Variants in PIEZO2 observed in about 807,000 individuals in gnomAD.
PIEZO2 encodes piezo-type mechanosensitive ion channel component 2.
PIEZO2 carries 172 observed loss-of-function variants against 337.3 expected under a neutral mutation model. The observed-to-expected ratio is 0.51, with a 90% CI of 0.45 to 0.58. The LOEUF (loss-of-function observed/expected upper bound fraction) is 0.58, where lower values mean the gene tolerates loss of function less well. PIEZO2 is among the 20% of genes least tolerant of loss of function. PIEZO2 has a pLI of 0.00. For synonymous variants in PIEZO2, 1,251 were observed against 1,228.5 expected, an observed-to-expected ratio of 1.02 and a Z score of -0.38; for missense variants, 3,028 against 3,391.3, an observed-to-expected ratio of 0.89 and a Z score of 2.66.
At position 10,684,155 on chromosome 18, in the gene PIEZO2, C is replaced by CTTTTTTTTTT. The variant is rs71169941; in HGVS notation, c.7498-1873_7498-1864dup. On this transcript the variant is annotated intron_variant, in intron 49 of 55. Coordinates refer to ENST00000674853, the MANE Select transcript of PIEZO2 (RefSeq NM_001378183.1). ...CTCTCTTTCTTTCTCTGTCTTTCCT[C>CTTTTTTTTTT]TTTTTTTTTTTTTTTTTTTTTTTTT... 6.5e-5 allele frequency among the ~76,000 whole-genome samples: 4 copies of CTTTTTTTTTT among 61,396 alleles called. 1 individual carries two copies. Among genetic ancestry groups the CTTTTTTTTTT allele is most frequent in the African/African-American group, 2.6e-4 (4 of 15,234 alleles). 40.3% of individuals were successfully genotyped at this position (61,396 alleles called of 152,430 possible).
rs1184816293 is a variant in PIEZO2 at position 10,773,502 on chromosome 18, C to G, written c.2695G>C (p.Ala899Pro). ...EEKLEGYSEKAQKGDLGKDSE... is the reference protein window; with the variant it reads ...EEKLEGYSEKPQKGDLGKDSE... ...TCTTTCCCAAGATCACCCTTCTGGG[C>G]TTTTTCAGAGTAGCCCTCAAGCTTC... Residue 899 changes from alanine to proline, a missense_variant, in exon 20 of 56, where the codon GCC becomes CCC. Physicochemically the swap from Ala to Pro is conservative, Grantham distance 27. Around this residue, in one of 5 missense-constraint regions of PIEZO2, gnomAD observed 1,925 missense variants for 2,051.9 expected, o/e 0.94. Transcript: ENST00000674853. The surrounding 1 kb of genome is among the most constrained non-coding windows in gnomAD (Gnocchi z 5.3). 1.3e-6 allele frequency: 2 copies of G among 1,537,452 alleles called. No individual in the cohort carries two copies. The highest frequency in any genetic ancestry group is 1.4e-5 in the African/African-American group (1 of 73,146).
intron 9 of PIEZO2, among the ~76,000 whole-genome samples, chr18:10,803,019 G>T (rs926600904): frequency 1.3e-5 from 2 of 151,844 alleles, no homozygotes; most frequent in African/African-American, 4.8e-5. Flanking sequence ...AAATAACTGT[G>T]GACAGTCTTT....
intron 35 of PIEZO2, among the ~76,000 whole-genome samples, chr18:10,733,060 G>A (rs540746119): frequency 1.1e-3 from 165 of 152,216 alleles, no homozygotes; most frequent in African/African-American, 3.8e-3. Context: ...GAAGAAAAAG[G>A]AAACTGGGAG....
chr18:10,946,382 T>A (rs1568227222), intron 3 of PIEZO2, among the ~76,000 whole-genome samples: 1 of 152,130 alleles, frequency 6.6e-6, no homozygotes, highest in Non-Finnish European at 1.5e-5. Context: ...TACAAACATA[T>A]CTTTCAAAAA....
chr18:10,704,808 C>T (rs776695464), intron 41 of PIEZO2, among the ~76,000 whole-genome samples, 156 bp from the exon 42 acceptor site: 3 of 152,180 alleles, frequency 2.0e-5, no homozygotes, highest in Non-Finnish European at 2.9e-5. Context: ...CTTCAGCCTC[C>T]TGAGTACCTG....
chr18:11,079,414 G>C (rs2038659060), intron 1 of PIEZO2, among the ~76,000 whole-genome samples: 1 of 152,190 alleles, frequency 6.6e-6, no homozygotes, highest in Non-Finnish European at 1.5e-5. Context: ...GGGACAAGTA[G>C]GTTACAGAAC....
At chr18:10,927,761 T>C (rs904985981) in intron 3 of PIEZO2, among the ~76,000 whole-genome samples, 3 of 152,196 alleles carry the variant, frequency 2.0e-5, no homozygotes, top group African/African-American at 7.2e-5. Flanking sequence ...CTCTGTGGTT[T>C]TTCAGTAGTC....
In PIEZO2 at chr18:10,940,269, A is replaced by G. The variant is rs983896922; in HGVS notation, c.287-29041T>C. 1.3e-5 allele frequency among the ~76,000 whole-genome samples: 2 copies of G among 152,220 alleles called. No individual in the cohort carries two copies. The highest frequency in any genetic ancestry group is 4.8e-5 in the African/African-American group (2 of 41,458). On this transcript the variant is annotated intron_variant, in intron 3 of 55. Coordinates refer to ENST00000674853, the MANE Select transcript of PIEZO2 (RefSeq NM_001378183.1). The surrounding 1 kb of genome is among the most constrained non-coding windows in gnomAD (Gnocchi z 5.3). ...GAGTACCTCATAAAGCCCTGGCATG[A>G]ATTGGTAATAAAAATCTAGTGAGCT...
rs1412987051 is a variant in PIEZO2 at position 10,784,776 on chromosome 18, T to C, written c.2492+8A>G. The C allele has an allele frequency of 6.5e-7, 1 of 1,527,170 alleles. No homozygotes were observed. Among genetic ancestry groups the C allele is most frequent in the Non-Finnish European group, 8.8e-7 (1 of 1,140,636 alleles). 94.6% of individuals were successfully genotyped at this position (1,527,170 alleles called of 1,614,324 possible). On this transcript the variant is annotated splice_region_variant and intron_variant, in intron 17 of 55. Coordinates refer to ENST00000674853, the MANE Select transcript of PIEZO2 (RefSeq NM_001378183.1). This position sits in a 1 kb window ranked among gnomAD's most constrained non-coding sequence, Gnocchi z 4.5. ...AATAAGAGGTCTGTGTTTCTTCCAG[T>C]GGCTCACCTGTAGATGGTGTTGTCT...
intron 1 of PIEZO2, among the ~76,000 whole-genome samples, chr18:11,119,205 T>C (rs2039968522): frequency 6.7e-6 from 1 of 150,016 alleles, no homozygotes; most frequent in African/African-American, 2.5e-5. Flanking sequence ...TGGAGTGCAG[T>C]GGCCCAATCT....
In PIEZO2 at chr18:10,746,686, G is replaced by A. The variant is rs1474262069; in HGVS notation, c.4424+1785C>T. On this transcript the variant is annotated intron_variant, in intron 30 of 55. Transcript: ENST00000674853. This position sits in a 1 kb window ranked among gnomAD's most constrained non-coding sequence, Gnocchi z 4.2. The stretch of plus-strand genomic sequence containing the variant: ...GGGAAAGCAGAGCCCTCATGAATGG[G>A]ATTACTATCTTTATAAAAGAAGCCC... Among the ~76,000 whole-genome samples, 1 of 152,150 alleles carries A rather than the reference G, an allele frequency of 6.6e-6. No homozygotes were observed. The highest frequency in any genetic ancestry group is 2.4e-5 in the African/African-American group (1 of 41,440).
chr18:11,082,975 G>C (rs1024445106), intron 1 of PIEZO2, among the ~76,000 whole-genome samples: 5 of 152,172 alleles, frequency 3.3e-5, no homozygotes, highest in Non-Finnish European at 7.3e-5. Flanking sequence ...CTGACTGATG[G>C]AATCGGCAGC....
intron 8 of PIEZO2, among the ~76,000 whole-genome samples, chr18:10,804,415 C>T (rs1217406838): frequency 6.6e-6 from 1 of 152,240 alleles, no homozygotes; most frequent in African/African-American, 2.4e-5. Context: ...AGAGCTCACA[C>T]AGCACTAAGC....
rs1460926584 is a variant in PIEZO2, at chr18:11,031,755, G to A, written c.160+34372C>T. 6.6e-6 allele frequency among the ~76,000 whole-genome samples: 1 copy of A among 152,158 alleles called. No individual in the cohort carries two copies. The highest frequency in any genetic ancestry group is 1.5e-5 in the Non-Finnish European group (1 of 68,040). ...ACCCTTGGTTGTAAGTTGATTCCAT[G>A]GTCCCTGGGGCAAAAGTTGAGAACT... On this transcript the variant is annotated intron_variant, in intron 2 of 55. Coordinates refer to ENST00000674853, the MANE Select transcript of PIEZO2 (RefSeq NM_001378183.1). The surrounding 1 kb of genome is among the most constrained non-coding windows in gnomAD (Gnocchi z 4.7).
intron 2 of PIEZO2, among the ~76,000 whole-genome samples, chr18:11,050,026 G>A (rs778984929): frequency 2.0e-5 from 3 of 152,234 alleles, no homozygotes; most frequent in Admixed American, 6.5e-5. Context: ...ATTATAGGCT[G>A]CCTGAAACTC....
intron 2 of PIEZO2, among the ~76,000 whole-genome samples, chr18:11,062,161 T>G (rs76196046): frequency 0.65 from 96,525 of 149,356 alleles, 31,612 homozygotes; most frequent in East Asian, 0.96. Flanking sequence ...AATGGGGAAA[T>G]GATTCCCTAT....
Position 11,101,466 on chromosome 18 carries a change from C to A in PIEZO2, c.65-35244G>T, listed in dbSNP as rs969002935. On this transcript the variant is annotated intron_variant, in intron 1 of 55. Transcript: ENST00000674853. The surrounding 1 kb of genome is among the most constrained non-coding windows in gnomAD (Gnocchi z 4.4). ...TCTTTCATTCATGTACCATTTTATACAAGAGACCATCTATTATAAAACACA... is the reference window on the plus strand; with the variant it reads ...TCTTTCATTCATGTACCATTTTATAAAAGAGACCATCTATTATAAAACACA... Among the ~76,000 whole-genome samples the A allele has an allele frequency of 6.6e-6, 1 of 152,198 alleles. No individual in the cohort carries two copies. Among genetic ancestry groups the A allele is most frequent in the African/African-American group, 2.4e-5 (1 of 41,454 alleles).
chr18:11,072,164 G>T lies in PIEZO2; in HGVS notation c.65-5942C>A, dbSNP rs138849847. Among the ~76,000 whole-genome samples the T allele has an allele frequency of 4.5e-4, 69 of 152,276 alleles. 1 individual carries two copies. In the East Asian group the frequency reaches 9.8e-3, roughly 22 times the overall value. ...ACTTCTACGTCAGTGGGGCCCTTCA[G>T]TAGGGTAGAATCTTTGTTATCTCTG... On this transcript the variant is annotated intron_variant, in intron 1 of 55. Transcript: ENST00000674853.
chr18:11,125,210 A>T lies in PIEZO2; in HGVS notation c.64+23315T>A, dbSNP rs2040150734. ...ACACACACCGTCTATCCTGCCAGGCAGGATGGGGATACTGCAATAAGCAAG... is the reference window on the plus strand; with the variant it reads ...ACACACACCGTCTATCCTGCCAGGCTGGATGGGGATACTGCAATAAGCAAG... On this transcript the variant is annotated intron_variant, in intron 1 of 55. Transcript: ENST00000674853. This position sits in a 1 kb window ranked among gnomAD's most constrained non-coding sequence, Gnocchi z 4.4. Among the ~76,000 whole-genome samples, 1 of 152,192 alleles carries T rather than the reference A, an allele frequency of 6.6e-6. No homozygotes were observed. The highest frequency in any genetic ancestry group is 2.1e-4 in the South Asian group (1 of 4,824).
Sources: allele counts gnomAD v4.1 joint callset (sites outside exome capture counted in the v4.1 genomes callset), GRCh38; gene constraint gnomAD v4.1.1; regional missense constraint gnomAD v4.1.1; non-coding constraint Gnocchi (gnomAD v3.1); transcripts MANE v1.5; gene names NCBI Gene and HGNC (gene_info 2026-07-23, HGNC 2026-07-21).